The following GFOD1 variants were observed in gnomAD, a reference collection of about 807,000 sequenced individuals.
GFOD1 encodes the protein Gfo/Idh/MocA-like oxidoreductase domain containing 1.
A neutral mutation model predicts 25.4 loss-of-function variants in GFOD1; 9 were observed. That is an observed-to-expected ratio of 0.35 (90% CI 0.21 to 0.62). The LOEUF is 0.62. Among genes scored for constraint, GFOD1 ranks in the 20% least tolerant of loss-of-function variants. The pLI is 0.72. For synonymous variants in GFOD1, 253 were observed against 245.6 expected (o/e 1.03, Z -0.28); for missense variants, 403 against 556.9 (o/e 0.72, Z 2.78).
rs146653538 is a variant in GFOD1, at chr6:13,417,861, A to G, written c.254-52199T>C. Reference sequence around the variant, plus strand: ...GTTCAGAACCTGCTGGGAAAAGATTAAGCTGAAAGGGTCTAACCCACCCCT... The same window carrying G: ...GTTCAGAACCTGCTGGGAAAAGATTGAGCTGAAAGGGTCTAACCCACCCCT... On this transcript the variant is annotated intron_variant, in intron 1 of 1. Transcript: ENST00000379287. 2.9e-3 allele frequency among the ~76,000 whole-genome samples: 447 copies of G among 152,314 alleles called. 5 individuals are homozygous for G. The highest frequency in any genetic ancestry group is 0.01 in the African/African-American group (427 of 41,578).
intron 1 of GFOD1, among the ~76,000 whole-genome samples, chr6:13,390,312 T>G (rs914034247): frequency 6.6e-6 from 1 of 152,112 alleles, no homozygotes; most frequent in Admixed American, 6.6e-5. Context: ...AAACAGGGGC[T>G]GGGCATGGTG....
At chr6:13,425,012 G>A (rs1786328073) in intron 1 of GFOD1, among the ~76,000 whole-genome samples, 1 of 145,512 alleles carries the variant, frequency 6.9e-6, no homozygotes. Flanking sequence ...AGGCTGGAGT[G>A]CAGTGGTGCA....
intron 1 of GFOD1, among the ~76,000 whole-genome samples, chr6:13,441,590 C>T (rs1379387492): frequency 6.6e-6 from 1 of 152,164 alleles, no homozygotes; most frequent in African/African-American, 2.4e-5. Context: ...TTCATCAATA[C>T]GTTCTTGGAA....
chr6:13,390,260 C>T (rs1390253404), intron 1 of GFOD1, among the ~76,000 whole-genome samples: 1 of 152,164 alleles, frequency 6.6e-6, no homozygotes, highest in Non-Finnish European at 1.5e-5. Context: ...TCCTCCAAAC[C>T]TTCTGGGCTT....
At chr6:13,389,613 G>T (rs113827859) in intron 1 of GFOD1, among the ~76,000 whole-genome samples, 2 of 151,976 alleles carry the variant, frequency 1.3e-5, no homozygotes, top group African/African-American at 2.4e-5. Flanking sequence ...GGGCCTGTTG[G>T]GGGGTGCGGG....
chr6:13,397,689 T>C (rs1785761749), intron 1 of GFOD1, among the ~76,000 whole-genome samples: 1 of 152,338 alleles, frequency 6.6e-6, no homozygotes, highest in African/African-American at 2.4e-5. Flanking sequence ...TTTGGCCAAG[T>C]ACCAATTCAG....
intron 1 of GFOD1, among the ~76,000 whole-genome samples, chr6:13,378,120 C>T (rs141207198): frequency 1.4e-3 from 215 of 152,304 alleles, no homozygotes; most frequent in African/African-American, 4.9e-3. Context: ...AGCACCACTC[C>T]AGCACCATCA....
intron 1 of GFOD1, among the ~76,000 whole-genome samples, chr6:13,402,269 C>T (rs376772541): frequency 1.2e-4 from 18 of 152,238 alleles, no homozygotes; most frequent in African/African-American, 4.3e-4. Context: ...TTTGACATCT[C>T]GGGTTTAGGC....
intron 1 of GFOD1, chr6:13,469,147 A>G (rs943713236): frequency 1.3e-5 from 9 of 674,198 alleles, no homozygotes; most frequent in African/African-American, 3.9e-5. Context: ...GTCTCCTATT[A>G]TGGCCCTCCA....
chr6:13,426,536 T>A (rs545735853), intron 1 of GFOD1, among the ~76,000 whole-genome samples: 4 of 152,296 alleles, frequency 2.6e-5, no homozygotes, highest in African/African-American at 9.6e-5. Flanking sequence ...CCCACTTCCA[T>A]TGCCTGTCCC....
chr6:13,394,360 G>A (rs866743468), intron 1 of GFOD1, among the ~76,000 whole-genome samples: 6 of 151,904 alleles, frequency 3.9e-5, no homozygotes, highest in Admixed American at 2.0e-4. Context: ...AATATCTCTC[G>A]GAAGGAACAC....
intron 1 of GFOD1, among the ~76,000 whole-genome samples, chr6:13,429,991 A>G (rs1757720573): frequency 2.0e-5 from 3 of 152,162 alleles, no homozygotes; most frequent in Admixed American, 2.0e-4. Flanking sequence ...GAAGTGAAAT[A>G]TATGTCCTTC....
intron 1 of GFOD1, among the ~76,000 whole-genome samples, chr6:13,409,215 G>GAA (rs1562209633): frequency 2.9e-5 from 1 of 34,106 alleles, no homozygotes; most frequent in Non-Finnish European, 2.0e-4. Flanking sequence ...AAGAAGGAAA[G>GAA]AGAGAGAGAG....
chr6:13,438,924 T>A (rs941843653), intron 1 of GFOD1, among the ~76,000 whole-genome samples: 2 of 152,250 alleles, frequency 1.3e-5, no homozygotes, highest in East Asian at 1.9e-4. Flanking sequence ...ATGGATTTTA[T>A]AATTAATACT....
At chr6:13,431,172 G>A (rs903852856) in intron 1 of GFOD1, among the ~76,000 whole-genome samples, 1 of 152,204 alleles carries the variant, frequency 6.6e-6, no homozygotes, top group South Asian at 2.1e-4. Context: ...GAGGTTAGTG[G>A]TGGTGGGGAC....
intron 1 of GFOD1, among the ~76,000 whole-genome samples, chr6:13,465,152 T>G (rs1373475186): frequency 6.6e-6 from 1 of 152,146 alleles, no homozygotes; most frequent in Non-Finnish European, 1.5e-5. Context: ...GTCCAATCTT[T>G]TGGCTTCCCT....
rs78922605 is a variant in GFOD1, at chr6:13,395,090, T to C, written c.254-29428A>G. Among the ~76,000 whole-genome samples the C allele has an allele frequency of 1.4e-3, 216 of 152,360 alleles. 6 individuals carry two copies. In the East Asian group the frequency reaches 0.038, roughly 27 times the overall value. On this transcript the variant is annotated intron_variant, in intron 1 of 1. Transcript: ENST00000379287. ...GAGCCACTGTGCCTGGCTAGGTTTC[T>C]TTCTTTTTTCTCGTAGAGACAGTGG... is the stretch of plus-strand genomic sequence containing the variant.
At chr6:13,407,348 T>C (rs558126) in intron 1 of GFOD1, among the ~76,000 whole-genome samples, 87,549 of 152,096 alleles carry the variant, frequency 0.58, 28,904 homozygotes, top group Non-Finnish European at 0.73. Flanking sequence ...CATTGAAAAG[T>C]CAGCCTCAGC....
chr6:13,443,029 A>T (rs1285972917), intron 1 of GFOD1, among the ~76,000 whole-genome samples: 1 of 152,262 alleles, frequency 6.6e-6, no homozygotes, highest in African/African-American at 2.4e-5. Flanking sequence ...TAAGAACATT[A>T]GTGATTCAAG....
Sources: gnomAD v4.1 joint callset for allele counts (sites outside exome capture counted in the v4.1 genomes callset) on GRCh38, gnomAD v4.1.1 for gene constraint, MANE v1.5 for transcripts, NCBI Gene and HGNC (gene_info 2026-07-23, HGNC 2026-07-21) for gene names.